The following WT1 variants were observed in gnomAD, a reference collection of about 807,000 sequenced individuals.
WT1 encodes WT1 transcription factor.
Under a neutral mutation model 60.8 loss-of-function variants are expected in WT1, and 8 were observed. That is an observed-to-expected ratio of 0.13 (90% CI 0.08 to 0.24). The LOEUF (loss-of-function observed/expected upper bound fraction) is 0.24. WT1 is among the 10% of genes least tolerant of loss of function. The probability of loss-of-function intolerance (pLI) is 1.00; values close to 1 mark genes in which losing one functional copy is unlikely to be tolerated. For missense variants in WT1, 568 were observed against 711.8 expected, an observed-to-expected ratio of 0.80 and a Z score of 2.30; for synonymous variants, 312 against 297.1, an observed-to-expected ratio of 1.05 and a Z score of -0.52.
chr11:32,396,451 T>A, intron 6 of WT1, 44 bp from the exon 7 acceptor site: 1 of 1,609,332 alleles, frequency 6.2e-7, no homozygotes, highest in Non-Finnish European at 8.5e-7. Flanking sequence ...AAGCCACATG[T>A]GAACATTCAC....
Position 32,388,587 on chromosome 11 carries a change from A to G in WT1, c.*471T>C, listed in dbSNP as rs1851726927. ...TTCACCCCCGATGCCTTGCTCTCTG[A>G]TTTATTTCTTGCTGTTGCTGTTAGT... On this transcript the variant is annotated 3_prime_UTR_variant, in exon 10 of 10. Transcript: ENST00000452863. 1 of 251,048 alleles carries G rather than the reference A, an allele frequency of 4.0e-6. No individual in the cohort carries two copies. The highest frequency in any genetic ancestry group is 2.2e-5 in the African/African-American group (1 of 45,858). 15.6% of individuals were successfully genotyped at this position (251,048 alleles called of 1,614,324 possible). A position where few individuals can be genotyped will look rare whatever the true frequency, so the allele number is the denominator to read the frequency against.
chr11:32,428,712 G>A (rs908263873), intron 1 of WT1, 93 bp from the exon 2 acceptor site: 36 of 1,535,638 alleles, frequency 2.3e-5, no homozygotes, highest in Non-Finnish European at 3.0e-5. Flanking sequence ...GGGGGTGTGC[G>A]CTGAACCCCG....
rs1311184469 is a variant in WT1, at chr11:32,428,505, C to T, written c.776G>A (p.Gly259Asp). Reference sequence around the variant, plus strand: ...TGGTTCCGCTCGCTTACCCAGCGAGCCCTGCTGGCCCATGGGATCCTCATG... The same window carrying T: ...TGGTTCCGCTCGCTTACCCAGCGAGTCCTGCTGGCCCATGGGATCCTCATG... The change falls in exon 2 of 10, where the codon GGC becomes GAC. Residue 259 changes from glycine to aspartate, a missense_variant. Gly to Asp is a moderately conservative substitution (Grantham distance 94). Transcript: ENST00000452863. 1.9e-6 allele frequency: 3 copies of T among 1,614,112 alleles called. No individual in the cohort carries two copies. Among genetic ancestry groups the T allele is most frequent in the South Asian group, 1.1e-5 (1 of 91,086 alleles).
At chr11:32,434,322 A>G (rs777991034) in intron 1 of WT1, among the ~76,000 whole-genome samples, 23 of 152,240 alleles carry the variant, frequency 1.5e-4, no homozygotes, top group Non-Finnish European at 2.5e-4. Flanking sequence ...GCTTGGTGAC[A>G]ATTTGGCGTT....
At chr11:32,423,942 C>T (rs931867608) in intron 3 of WT1, among the ~76,000 whole-genome samples, 1 of 152,044 alleles carries the variant, frequency 6.6e-6, no homozygotes, top group African/African-American at 2.4e-5. Flanking sequence ...GCGGGTGGAT[C>T]ACAAGGTCAG....
rs1334930117 is a variant in WT1, at chr11:32,389,148, A to G, written c.1479T>C (p.Ser493=). 1.2e-6 allele frequency: 2 copies of G among 1,614,204 alleles called. No homozygotes were observed. The highest frequency in any genetic ancestry group is 2.2e-5 in the East Asian group (1 of 44,886). ...CTGACCGGGCAAACTTTTTCTGACAACTTGGCCACCGACAGCTGAAGGGCT... is the reference window on the plus strand; with the variant it reads ...CTGACCGGGCAAACTTTTTCTGACAGCTTGGCCACCGACAGCTGAAGGGCT... Residue 493 remains serine (S), a synonymous_variant, in exon 10 of 10, where the codon AGT becomes AGC. Transcript: ENST00000452863.
intron 5 of WT1, among the ~76,000 whole-genome samples, chr11:32,406,272 A>T (rs1280946969): frequency 1.3e-5 from 2 of 152,112 alleles, no homozygotes; most frequent in Non-Finnish European, 2.9e-5. Flanking sequence ...GTTCCACCTC[A>T]GATCGTCAGG....
intron 5 of WT1, 126 bp downstream of exon 5, chr11:32,416,364 G>T: frequency 1.7e-6 from 2 of 1,181,880 alleles, no homozygotes; most frequent in Non-Finnish European, 2.5e-6. Context: ...GCGGGGGAGA[G>T]AGATTCTTCC....
chr11:32,431,623 A>G (rs1390942910), intron 1 of WT1, among the ~76,000 whole-genome samples: 1 of 151,100 alleles, frequency 6.6e-6, no homozygotes, highest in Admixed American at 6.6e-5. Context: ...TTGTATTTTC[A>G]GTAGAGACAG....
rs763147828 is a variant in WT1, at chr11:32,435,246, G to T, written c.115C>A (p.Arg39=). The stretch of plus-strand genomic sequence containing the variant: ...TTGGCCCAGATGCCGCCCGGGTCCC[G>T]GACTCCCTGCTGCTCTGGCTGCTGT... The change falls in exon 1 of 10, where the codon CGG becomes AGG. Residue 39 remains arginine, a synonymous_variant. Coordinates refer to ENST00000452863, the MANE Select transcript of WT1 (RefSeq NM_024426.6). 34 of 1,536,034 alleles carry T rather than the reference G, an allele frequency of 2.2e-5. No individual in the cohort carries two copies. Among genetic ancestry groups the T allele is most frequent in the Non-Finnish European group, 2.8e-5 (32 of 1,147,438 alleles).
Position 32,417,597 on chromosome 11 carries a change from G to C in WT1, c.945C>G (p.Asn315Lys), listed in dbSNP as rs775085343. The C allele has an allele frequency of 6.2e-7, 1 of 1,614,012 alleles. No homozygotes were observed. Among genetic ancestry groups the C allele is most frequent in the Non-Finnish European group, 8.5e-7 (1 of 1,179,954 alleles). ...CTTACCCCTTTAAGGTGGCTCCTAAGTTCATCTGATTCCAGGTCATGCATT... is the reference window on the plus strand; with the variant it reads ...CTTACCCCTTTAAGGTGGCTCCTAACTTCATCTGATTCCAGGTCATGCATT... The change falls in exon 4 of 10, where the codon AAC becomes AAG. Residue 315 changes from asparagine to lysine, a missense_variant. Physicochemically the swap from Asn to Lys is moderately conservative, Grantham distance 94. Around this residue, in one of 3 missense-constraint regions of WT1, gnomAD observed 523 missense variants for 565.1 expected, o/e 0.93. Transcript: ENST00000452863.
chr11:32,388,991 G>A lies in WT1; in HGVS notation c.*67C>T. ...CCTTTTTAGTGAGGAGGAGTGGAGAGTCAGACTTGAAAGCAGTTCACACAC... is the reference window on the plus strand; with the variant it reads ...CCTTTTTAGTGAGGAGGAGTGGAGAATCAGACTTGAAAGCAGTTCACACAC... On this transcript the variant is annotated 3_prime_UTR_variant, in exon 10 of 10. Transcript: ENST00000452863. The A allele has an allele frequency of 1.9e-6, 3 of 1,611,694 alleles. No homozygotes were observed. Among genetic ancestry groups the A allele is most frequent in the Non-Finnish European group, 1.7e-6 (2 of 1,178,832 alleles).
rs886048235 is a variant in WT1 at position 32,435,436 on chromosome 11, A to G, written c.-76T>C. On this transcript the variant is annotated 5_prime_UTR_variant, in exon 1 of 10. Coordinates refer to ENST00000452863, the MANE Select transcript of WT1 (RefSeq NM_024426.6). ...CTCTGGGTGGGTGGGTGGGTGAATGAGTAGGTGGGAGGGAGGGCGGGAAGT... is the reference window on the plus strand; with the variant it reads ...CTCTGGGTGGGTGGGTGGGTGAATGGGTAGGTGGGAGGGAGGGCGGGAAGT... 24 of 31,012 alleles carry G rather than the reference A, an allele frequency of 7.7e-4. No individual in the cohort carries two copies. The highest frequency in any genetic ancestry group is 1.2e-3 in the Non-Finnish European group (20 of 16,836). 1.9% of individuals were successfully genotyped at this position (31,012 alleles called of 1,614,324 possible).
chr11:32,430,237 C>A (rs931496910), intron 1 of WT1, among the ~76,000 whole-genome samples: 1 of 152,068 alleles, frequency 6.6e-6, no homozygotes, highest in Admixed American at 6.6e-5. Flanking sequence ...CCCCCGGCCC[C>A]GTTAGCTCTC....
chr11:32,388,338 C>CA lies in WT1; in HGVS notation c.*719dup, dbSNP rs1049846463. Reference sequence around the variant, plus strand: ...CACTCAAAAGAGTCAAAAACATACACAAAAAAATCTCAGATCTTCATAGTT... The same window carrying CA: ...CACTCAAAAGAGTCAAAAACATACACAAAAAAAATCTCAGATCTTCATAGTT... On this transcript the variant is annotated 3_prime_UTR_variant, in exon 10 of 10. Coordinates refer to ENST00000452863, the MANE Select transcript of WT1 (RefSeq NM_024426.6). 7.7e-5 allele frequency: 18 copies of CA among 233,438 alleles called. No homozygotes were observed. Among genetic ancestry groups the CA allele is most frequent in the Admixed American group, 1.7e-4 (3 of 17,776 alleles). 14.5% of individuals were successfully genotyped at this position (233,438 alleles called of 1,614,324 possible).
chr11:32,412,800 TAC>T (rs1230772811), intron 5 of WT1, among the ~76,000 whole-genome samples: 4 of 150,330 alleles, frequency 2.7e-5, no homozygotes, highest in African/African-American at 9.8e-5. Flanking sequence ...TAAATTGAAA[TAC>T]ATTCTCCCAT....
At chr11:32,392,887 A>T in intron 7 of WT1, 132 bp from the exon 8 acceptor site, 1 of 738,014 alleles carries the variant, frequency 1.4e-6, no homozygotes, top group Non-Finnish European at 2.3e-6. Context: ...TTAGGGTAGG[A>T]TGATCCCCAA....
intron 7 of WT1, among the ~76,000 whole-genome samples, chr11:32,395,789 T>A (rs951786632): frequency 6.6e-6 from 1 of 151,792 alleles, no homozygotes; most frequent in Admixed American, 6.6e-5. Context: ...CACTAAAAAA[T>A]CAAACTAACA....
chr11:32,390,202 A>C (rs1466484251), intron 9 of WT1, among the ~76,000 whole-genome samples: 1 of 152,178 alleles, frequency 6.6e-6, no homozygotes, highest in Non-Finnish European at 1.5e-5. Flanking sequence ...ACCCTGTGCC[A>C]CCTGACGGAT....
Sources: allele counts gnomAD v4.1 joint callset (sites outside exome capture counted in the v4.1 genomes callset), GRCh38; gene constraint gnomAD v4.1.1; regional missense constraint gnomAD v4.1.1; transcripts MANE v1.5; gene names NCBI Gene and HGNC (gene_info 2026-07-23, HGNC 2026-07-21).